The following PTPRM variants were observed in gnomAD, a reference collection of about 807,000 sequenced individuals.
The protein encoded by PTPRM is protein tyrosine phosphatase receptor type M, also known as receptor-type tyrosine-protein phosphatase mu.
A neutral mutation model predicts 186.7 loss-of-function variants in PTPRM; 47 were observed. The observed-to-expected ratio is 0.25, with a 90% CI of 0.20 to 0.32. PTPRM has a LOEUF of 0.32. PTPRM is among the 10% of genes least tolerant of loss of function. The pLI is 1.00. For missense variants in PTPRM, 1,494 were observed against 1,865.0 expected, an observed-to-expected ratio of 0.80 and a Z score of 3.66; for synonymous variants, 668 against 674.9, an observed-to-expected ratio of 0.99 and a Z score of 0.16.
At position 8,400,657 on chromosome 18, in the gene PTPRM, G is replaced by A. The variant is rs980034699; in HGVS notation, c.4345-5452G>A. Among the ~76,000 whole-genome samples the A allele has an allele frequency of 3.3e-5, 5 of 152,208 alleles. No individual in the cohort carries two copies. In the East Asian group the frequency reaches 5.8e-4, roughly 18 times the overall value. ...AGAGCCAGGCCCCATCCTGATCTGC[G>A]GATCTGCCGCACAGGTTCAGGTTGC... is the stretch of plus-strand genomic sequence containing the variant. On this transcript the variant is annotated intron_variant, in intron 32 of 32. Transcript: ENST00000580170.
At chr18:7,812,023 C>T (rs1292041616) in intron 2 of PTPRM, among the ~76,000 whole-genome samples, 1 of 152,088 alleles carries the variant, frequency 6.6e-6, no homozygotes, top group Non-Finnish European at 1.5e-5. Flanking sequence ...TAGTTATGTC[C>T]ATCAAGGCTC....
chr18:7,699,872 A>T (rs993311154), intron 1 of PTPRM, among the ~76,000 whole-genome samples: 1 of 152,098 alleles, frequency 6.6e-6, no homozygotes, highest in African/African-American at 2.4e-5. Flanking sequence ...TCCATCTGGA[A>T]TTGGTTTTTG....
chr18:7,889,164 C>T (rs1001541100), intron 3 of PTPRM, among the ~76,000 whole-genome samples: 3 of 151,820 alleles, frequency 2.0e-5, no homozygotes, highest in African/African-American at 7.3e-5. Flanking sequence ...GCAAGAAAAA[C>T]CTATGCTATT....
At chr18:8,159,990 A>G (rs2093198876) in intron 14 of PTPRM, among the ~76,000 whole-genome samples, 1 of 152,064 alleles carries the variant, frequency 6.6e-6, no homozygotes, top group South Asian at 2.1e-4. Flanking sequence ...TTGAATAATA[A>G]TTATTTGAAT....
At chr18:7,962,092 G>T (rs1344370177) in intron 7 of PTPRM, among the ~76,000 whole-genome samples, 4 of 152,162 alleles carry the variant, frequency 2.6e-5, no homozygotes, top group African/African-American at 9.7e-5. Context: ...GAAACGTTCA[G>T]TGTCTGCTTA....
At chr18:7,749,983 C>T (rs1404134239) in intron 1 of PTPRM, among the ~76,000 whole-genome samples, 6 of 152,172 alleles carry the variant, frequency 3.9e-5, no homozygotes, top group Non-Finnish European at 1.5e-5. Context: ...TGACACATAA[C>T]GTTGGTTAAC....
chr18:7,888,947 G>C lies in PTPRM; in HGVS notation c.468+570G>C, dbSNP rs112215588. Among the ~76,000 whole-genome samples the C allele has an allele frequency of 2.4e-3, 366 of 152,270 alleles. 4 individuals carry two copies. Among genetic ancestry groups the C allele is most frequent in the African/African-American group, 8.3e-3 (346 of 41,554 alleles). On this transcript the variant is annotated intron_variant, in intron 3 of 32. Transcript: ENST00000580170. ...GCACATGGACATAAAGATGGGAATA[G>C]TAGACACTAGAGAATACAAAAAGGA... is the stretch of plus-strand genomic sequence containing the variant.
chr18:8,094,461 G>A (rs187646326), intron 11 of PTPRM, among the ~76,000 whole-genome samples: 3 of 151,788 alleles, frequency 2.0e-5, no homozygotes, highest in South Asian at 2.1e-4. Flanking sequence ...GGCTAGACAC[G>A]GTGGTTCAAA....
chr18:8,000,597 A>C lies in PTPRM; in HGVS notation c.1132+45183A>C, dbSNP rs1040359655. On this transcript the variant is annotated intron_variant, in intron 7 of 32. Transcript: ENST00000580170. Reference sequence around the variant, plus strand: ...CAAAGAGATGAGCACATCTAAAATCAAGCTGGGAATAGGATCCTTAGGAAT... The same window carrying C: ...CAAAGAGATGAGCACATCTAAAATCCAGCTGGGAATAGGATCCTTAGGAAT... 4.6e-5 allele frequency among the ~76,000 whole-genome samples: 7 copies of C among 152,180 alleles called. No individual in the cohort carries two copies. The South Asian group carries it at 6.2e-4, about 13-fold the overall frequency.
chr18:7,994,832 A>G (rs1408987960), intron 7 of PTPRM, among the ~76,000 whole-genome samples: 2 of 152,154 alleles, frequency 1.3e-5, no homozygotes, highest in Non-Finnish European at 2.9e-5. Flanking sequence ...CAGTTCTAAG[A>G]GGGAAGTTTA....
intron 20 of PTPRM, among the ~76,000 whole-genome samples, chr18:8,308,753 T>C (rs2095245411): frequency 1.3e-5 from 2 of 152,242 alleles, no homozygotes; most frequent in Admixed American, 1.3e-4. Flanking sequence ...GTATGTAACA[T>C]ATATCTCTGT....
At chr18:8,109,309 C>T (rs760219638) in intron 11 of PTPRM, among the ~76,000 whole-genome samples, 1 of 152,214 alleles carries the variant, frequency 6.6e-6, no homozygotes, top group Non-Finnish European at 1.5e-5. Context: ...TAGAAAAGAG[C>T]TGCTTGACCT....
At chr18:8,240,495 GAGAGAGGAAGGAAGGA>G (rs1161120501) in intron 14 of PTPRM, among the ~76,000 whole-genome samples, 1 of 57,686 alleles carries the variant, frequency 1.7e-5, no homozygotes, top group African/African-American at 9.3e-5. Context: ...GAGAGAGAGA[GAGAGAGGAAGGAAGGA>G]AGGAAGGAAG....
At chr18:7,784,153 C>T (rs2042989625) in intron 2 of PTPRM, among the ~76,000 whole-genome samples, 1 of 152,108 alleles carries the variant, frequency 6.6e-6, no homozygotes, top group South Asian at 2.1e-4. Context: ...TCCAGACTTT[C>T]CATAGTCCAA....
At chr18:7,672,857 T>C (rs1349291780) in intron 1 of PTPRM, among the ~76,000 whole-genome samples, 1 of 152,064 alleles carries the variant, frequency 6.6e-6, no homozygotes. Context: ...GTCTAGTGAG[T>C]GGAGGCCCCT....
At chr18:7,914,284 G>A (rs917115677) in intron 4 of PTPRM, among the ~76,000 whole-genome samples, 1 of 152,032 alleles carries the variant, frequency 6.6e-6, no homozygotes, top group African/African-American at 2.4e-5. Flanking sequence ...AGATAGAGTC[G>A]ACTTCTAAAA....
At chr18:7,802,700 A>T (rs934382398) in intron 2 of PTPRM, among the ~76,000 whole-genome samples, 2 of 152,164 alleles carry the variant, frequency 1.3e-5, no homozygotes, top group African/African-American at 4.8e-5. Context: ...TAGTAAATTG[A>T]TTTTTTTCCT....
At chr18:8,118,877 G>C (rs1181938770) in intron 13 of PTPRM, among the ~76,000 whole-genome samples, 1 of 145,964 alleles carries the variant, frequency 6.9e-6, no homozygotes, top group Non-Finnish European at 1.5e-5. Context: ...ATCAGCTGTT[G>C]TTAGTGTATT....
chr18:7,790,255 C>T lies in PTPRM; in HGVS notation c.196+15984C>T, dbSNP rs8091484. Among the ~76,000 whole-genome samples the T allele has an allele frequency of 5.8e-4, 89 of 152,286 alleles. 1 individual carries two copies. The highest frequency in any genetic ancestry group is 2.0e-3 in the African/African-American group (83 of 41,548). ...CATTACTGACCTTCCCCAGTAGATA[C>T]GAACAATATTTTCTTTAGAGACATA... On this transcript the variant is annotated intron_variant, in intron 2 of 32. Coordinates refer to ENST00000580170, the MANE Select transcript of PTPRM (RefSeq NM_001105244.2).
Sources: gnomAD v4.1 joint callset for allele counts (sites outside exome capture counted in the v4.1 genomes callset) on GRCh38, gnomAD v4.1.1 for gene constraint, MANE v1.5 for transcripts, NCBI Gene and HGNC (gene_info 2026-07-23, HGNC 2026-07-21) for gene names.